The following CTNNBL1 variants were observed in gnomAD, a reference collection of about 807,000 sequenced individuals.
CTNNBL1 encodes the protein catenin beta like 1.
A neutral mutation model predicts 72.7 loss-of-function variants in CTNNBL1; 31 were observed. The ratio of observed to expected loss-of-function variants is 0.43; its 90% CI spans 0.32 to 0.58. The LOEUF (loss-of-function observed/expected upper bound fraction) is 0.58, where lower values mean the gene tolerates loss of function less well. Among genes scored for constraint, CTNNBL1 ranks in the 20% least tolerant of loss-of-function variants. The pLI is 0.08. For synonymous variants in CTNNBL1, 240 were observed against 267.3 expected (o/e 0.90, Z 1.00); for missense variants, 534 against 725.1 (o/e 0.74, Z 3.03).
chr20:37,762,702 T>C (rs1039585210), intron 5 of CTNNBL1, among the ~76,000 whole-genome samples: 4 of 152,218 alleles, frequency 2.6e-5, no homozygotes, highest in Non-Finnish European at 4.4e-5. Flanking sequence ...TATGTACTTT[T>C]ACTGAGCGAT....
chr20:37,747,970 C>CT (rs1353699789), intron 4 of CTNNBL1, among the ~76,000 whole-genome samples: 1 of 152,188 alleles, frequency 6.6e-6, no homozygotes, highest in African/African-American at 2.4e-5. Flanking sequence ...CCATTTTATA[C>CT]TTTATCTTGG....
At chr20:37,769,669 A>G (rs2073505115) in intron 7 of CTNNBL1, among the ~76,000 whole-genome samples, 2 of 152,242 alleles carry the variant, frequency 1.3e-5, no homozygotes, top group Admixed American at 6.5e-5. Context: ...CAAAGGTGTG[A>G]TGGGAGGCAG....
At chr20:37,736,264 A>T (rs922781460) in intron 2 of CTNNBL1, among the ~76,000 whole-genome samples, 1 of 152,094 alleles carries the variant, frequency 6.6e-6, no homozygotes, top group Non-Finnish European at 1.5e-5. Context: ...CTAATTAACA[A>T]CCGTTCTTAG....
chr20:37,718,999 C>T (rs2073017710), intron 1 of CTNNBL1, among the ~76,000 whole-genome samples: 1 of 152,200 alleles, frequency 6.6e-6, no homozygotes, highest in Non-Finnish European at 1.5e-5. Flanking sequence ...TCTCAGTTTA[C>T]TCATCTGTAA....
At chr20:37,779,139 A>G in intron 9 of CTNNBL1, 48 bp from the exon 10 acceptor site, 1 of 1,599,356 alleles carries the variant, frequency 6.3e-7, no homozygotes, top group Non-Finnish European at 8.5e-7. Flanking sequence ...GGCTCATGAA[A>G]AGACATTCTC....
At chr20:37,839,248 G>A (rs2072280357) in intron 11 of CTNNBL1, among the ~76,000 whole-genome samples, 1 of 152,146 alleles carries the variant, frequency 6.6e-6, no homozygotes, top group Non-Finnish European at 1.5e-5. Context: ...TGACATTCTT[G>A]GGAATCCAAG....
chr20:37,829,319 G>A (rs1209408774), intron 11 of CTNNBL1, among the ~76,000 whole-genome samples: 1 of 152,160 alleles, frequency 6.6e-6, no homozygotes, highest in African/African-American at 2.4e-5. Context: ...TGGGCCTGAT[G>A]GTTGGAGTGC....
chr20:37,709,157 A>C (rs2072916010), intron 1 of CTNNBL1, among the ~76,000 whole-genome samples: 1 of 152,090 alleles, frequency 6.6e-6, no homozygotes, highest in African/African-American at 2.4e-5. Context: ...AAAAAAAAAG[A>C]GGGAGTTGAA....
intron 11 of CTNNBL1, among the ~76,000 whole-genome samples, chr20:37,827,142 T>C (rs2072167408): frequency 1.3e-5 from 2 of 152,222 alleles, no homozygotes; most frequent in Admixed American, 1.3e-4. Flanking sequence ...ATACTGTTTT[T>C]GAGATTCACC....
chr20:37,866,879 C>T (rs1056172828), intron 15 of CTNNBL1, among the ~76,000 whole-genome samples: 1 of 152,178 alleles, frequency 6.6e-6, no homozygotes, highest in Non-Finnish European at 1.5e-5. Context: ...GCAGCTTGGA[C>T]TGAGATGCCA....
chr20:37,757,709 G>A, intron 5 of CTNNBL1, 53 bp downstream of exon 5: 2 of 1,373,546 alleles, frequency 1.5e-6, no homozygotes, highest in South Asian at 2.4e-5. Context: ...TGTTGGCATT[G>A]CCACCACCAT....
chr20:37,851,192 G>T (rs908361302), intron 13 of CTNNBL1, among the ~76,000 whole-genome samples: 9 of 152,166 alleles, frequency 5.9e-5, no homozygotes, highest in Non-Finnish European at 1.0e-4. Flanking sequence ...CCCTAAACAG[G>T]CTTATGCTGC....
intron 15 of CTNNBL1, among the ~76,000 whole-genome samples, chr20:37,871,619 G>A (rs2072585334): frequency 6.6e-6 from 1 of 152,206 alleles, no homozygotes; most frequent in Non-Finnish European, 1.5e-5. Context: ...GTTTCAGCAT[G>A]AGTTTTGGAG....
chr20:37,861,813 C>T (rs1323362827), intron 15 of CTNNBL1, among the ~76,000 whole-genome samples: 2 of 152,074 alleles, frequency 1.3e-5, no homozygotes, highest in African/African-American at 2.4e-5. Flanking sequence ...TAACAGTGAA[C>T]GTTAGTGTGA....
intron 1 of CTNNBL1, among the ~76,000 whole-genome samples, chr20:37,702,106 CTT>C (rs1340281183): frequency 6.6e-6 from 1 of 152,180 alleles, no homozygotes; most frequent in Non-Finnish European, 1.5e-5. Flanking sequence ...GTCTTGAACT[CTT>C]GGACTTGAGC....
intron 11 of CTNNBL1, among the ~76,000 whole-genome samples, chr20:37,828,997 A>G (rs1036710264): frequency 8.1e-4 from 124 of 152,214 alleles, no homozygotes; most frequent in Non-Finnish European, 1.4e-3. Flanking sequence ...GGAACAGATT[A>G]ATCTGTATTC....
Position 37,736,598 on chromosome 20 carries a change from C to T in CTNNBL1, c.220-780C>T, listed in dbSNP as rs373411381. On this transcript the variant is annotated intron_variant, in intron 2 of 15. Coordinates refer to ENST00000361383, the MANE Select transcript of CTNNBL1 (RefSeq NM_030877.5). ...CTCTCTCACCCAGGCCGGAGTGCAG[C>T]GGCACAGTCTCGGCTCACTGCAACC... Among the ~76,000 whole-genome samples the T allele has an allele frequency of 9.9e-5, 15 of 152,020 alleles. 1 individual carries two copies. The highest frequency in any genetic ancestry group is 7.8e-4 in the East Asian group (4 of 5,140).
At chr20:37,819,061 T>G (rs1459570545) in intron 11 of CTNNBL1, among the ~76,000 whole-genome samples, 1 of 152,216 alleles carries the variant, frequency 6.6e-6, no homozygotes, top group African/African-American at 2.4e-5. Flanking sequence ...CAGGTATAAA[T>G]TGTGTAGGGG....
chr20:37,779,453 T>C (rs536764086), intron 10 of CTNNBL1, 118 bp downstream of exon 10: 2 of 1,210,036 alleles, frequency 1.7e-6, no homozygotes, highest in African/African-American at 3.0e-5. Flanking sequence ...GACTTTACCC[T>C]GAAGAGTAAA....
Sources: gnomAD v4.1 joint callset for allele counts (sites outside exome capture counted in the v4.1 genomes callset) on GRCh38, gnomAD v4.1.1 for gene constraint, MANE v1.5 for transcripts, NCBI Gene and HGNC (gene_info 2026-07-23, HGNC 2026-07-21) for gene names.